The following EPHA3 variants were observed in gnomAD, a reference collection of about 807,000 sequenced individuals.
The protein encoded by EPHA3 is EPH receptor A3.
A neutral mutation model predicts 107.1 loss-of-function variants in EPHA3; 42 were observed. The observed-to-expected ratio is 0.39, with a 90% CI of 0.31 to 0.51. The LOEUF (loss-of-function observed/expected upper bound fraction) is 0.51. Among genes scored for constraint, EPHA3 ranks in the 20% least tolerant of loss-of-function variants. The pLI is 0.78. For synonymous variants in EPHA3, 461 were observed against 424.8 expected (o/e 1.09, Z -1.05); for missense variants, 1,183 against 1,211.2 (o/e 0.98, Z 0.35).
rs181586389 is a variant in EPHA3, at chr3:89,260,918, G to T, written c.814+50398G>T. 3.0e-3 allele frequency among the ~76,000 whole-genome samples: 460 copies of T among 152,186 alleles called. 2 individuals are homozygous for T. The highest frequency in any genetic ancestry group is 0.011 in the African/African-American group (452 of 41,514). ...CCACAGCATTTCCACTGAAATCTTT[G>T]AGGCCGTCCTGCTATTTCTCAATAC... On this transcript the variant is annotated intron_variant, in intron 3 of 16. Coordinates refer to ENST00000336596, the MANE Select transcript of EPHA3 (RefSeq NM_005233.6).
chr3:89,116,109 G>A (rs1707247633), intron 1 of EPHA3, among the ~76,000 whole-genome samples: 1 of 152,188 alleles, frequency 6.6e-6, no homozygotes, highest in African/African-American at 2.4e-5. Flanking sequence ...GTTGTGGACA[G>A]AAGAGTAGAT....
rs78550163 is a variant in EPHA3 at position 89,357,874 on chromosome 3, C to G, written c.1306+15784C>G. Among the ~76,000 whole-genome samples the G allele has an allele frequency of 4.5e-3, 687 of 151,200 alleles. 19 individuals are homozygous for G. Among genetic ancestry groups the G allele is most frequent in the African/African-American group, 0.013 (524 of 41,446 alleles). ...TGAAAAGTTTGAAAAAAATCCCATC[C>G]ATCTTCCCTGAGGTATGTTTCCATT... On this transcript the variant is annotated intron_variant, in intron 5 of 16. Coordinates refer to ENST00000336596, the MANE Select transcript of EPHA3 (RefSeq NM_005233.6).
At chr3:89,186,839 C>T (rs974996726) in intron 2 of EPHA3, among the ~76,000 whole-genome samples, 1 of 151,888 alleles carries the variant, frequency 6.6e-6, no homozygotes, top group African/African-American at 2.4e-5. Flanking sequence ...ACTTTTAAAC[C>T]AAGGAAATGA....
intron 3 of EPHA3, among the ~76,000 whole-genome samples, chr3:89,312,707 T>C (rs1706792582): frequency 6.6e-6 from 1 of 151,932 alleles, no homozygotes; most frequent in Non-Finnish European, 1.5e-5. Flanking sequence ...TATCCATTAG[T>C]TATTTTTTCT....
intron 1 of EPHA3, among the ~76,000 whole-genome samples, 185 bp from the exon 2 acceptor site, chr3:89,127,024 A>G (rs545732019): frequency 6.6e-6 from 1 of 151,944 alleles, no homozygotes; most frequent in African/African-American, 2.4e-5. Context: ...GAAACTTTTG[A>G]TCTCTTAACT....
chr3:89,315,511 C>A (rs1284449357), intron 3 of EPHA3, among the ~76,000 whole-genome samples: 1 of 151,380 alleles, frequency 6.6e-6, no homozygotes, highest in African/African-American at 2.4e-5. Flanking sequence ...GCTTAAAAAT[C>A]ACATTTAATC....
chr3:89,194,981 C>A lies in EPHA3; in HGVS notation c.154-14879C>A, dbSNP rs146406356. Among the ~76,000 whole-genome samples, 223 of 152,116 alleles carry A rather than the reference C, an allele frequency of 1.5e-3. 2 individuals are homozygous for A. The highest frequency in any genetic ancestry group is 6.8e-3 in the Middle Eastern group (2 of 294). The stretch of plus-strand genomic sequence containing the variant: ...CATCAGCTCATAGTTCTCTTCCTAC[C>A]CTGTACACACAAGCATTTCATAATA... On this transcript the variant is annotated intron_variant, in intron 2 of 16. Coordinates refer to ENST00000336596, the MANE Select transcript of EPHA3 (RefSeq NM_005233.6).
intron 2 of EPHA3, among the ~76,000 whole-genome samples, chr3:89,139,748 G>T (rs927442656): frequency 6.6e-6 from 1 of 151,664 alleles, no homozygotes; most frequent in Admixed American, 6.6e-5. Context: ...CTTGATGAAG[G>T]TCACGTCATT....
At position 89,134,457 on chromosome 3, in the gene EPHA3, A is replaced by G. The variant is rs369679333; in HGVS notation, c.153+7184A>G. On this transcript the variant is annotated intron_variant, in intron 2 of 16. Transcript: ENST00000336596. ...TGTTCAGTTCCCACCTATGAGTGAG[A>G]ACGTGCGATGTTTGGTTTTTTGTCC... 1.6e-4 allele frequency among the ~76,000 whole-genome samples: 25 copies of G among 152,094 alleles called. No homozygotes were observed. In the East Asian group the frequency reaches 4.1e-3, roughly 25 times the overall value.
intron 5 of EPHA3, among the ~76,000 whole-genome samples, chr3:89,382,051 A>G (rs940257408): frequency 8.5e-5 from 13 of 152,176 alleles, no homozygotes; most frequent in African/African-American, 3.1e-4. Context: ...ATAGCCAGCT[A>G]TTTCTTTAGA....
At chr3:89,345,441 G>A (rs1375043346) in intron 5 of EPHA3, among the ~76,000 whole-genome samples, 1 of 150,950 alleles carries the variant, frequency 6.6e-6, no homozygotes, top group African/African-American at 2.4e-5. Context: ...GCAATAGTGT[G>A]CATTATGCCT....
intron 3 of EPHA3, among the ~76,000 whole-genome samples, chr3:89,288,819 G>A (rs1255516500): frequency 2.6e-5 from 4 of 152,120 alleles, no homozygotes; most frequent in African/African-American, 9.7e-5. Flanking sequence ...TAAAGTGTAA[G>A]CTTAAAAATA....
At chr3:89,273,466 C>T (rs924735604) in intron 3 of EPHA3, among the ~76,000 whole-genome samples, 7 of 151,734 alleles carry the variant, frequency 4.6e-5, no homozygotes, top group African/African-American at 1.2e-4. Flanking sequence ...AATCTAACTT[C>T]GAAGAGAGTT....
At chr3:89,411,631 C>T (rs535849858) in intron 9 of EPHA3, among the ~76,000 whole-genome samples, 2 of 152,006 alleles carry the variant, frequency 1.3e-5, no homozygotes, top group East Asian at 3.9e-4. Flanking sequence ...TTCACAAGAA[C>T]ATAAATCGTA....
chr3:89,122,330 C>A (rs1213097242), intron 1 of EPHA3, among the ~76,000 whole-genome samples: 1 of 152,136 alleles, frequency 6.6e-6, no homozygotes, highest in East Asian at 1.9e-4. Flanking sequence ...GTTATTTGTA[C>A]TTGGCTATAA....
At chr3:89,220,036 A>G (rs1576241331) in intron 3 of EPHA3, among the ~76,000 whole-genome samples, 1 of 152,202 alleles carries the variant, frequency 6.6e-6, no homozygotes, top group African/African-American at 2.4e-5. Context: ...TCACAGCTGA[A>G]GAAAGGGGTT....
At chr3:89,109,900 GAAGCTTTA>G (rs1386514835) in intron 1 of EPHA3, among the ~76,000 whole-genome samples, 1 of 151,918 alleles carries the variant, frequency 6.6e-6, no homozygotes, top group African/African-American at 2.4e-5. Context: ...ATTGTGAAGG[GAAGCTTTA>G]AAACAAATTT....
At chr3:89,458,590 C>A (rs555031113) in intron 15 of EPHA3, among the ~76,000 whole-genome samples, 2 of 152,088 alleles carry the variant, frequency 1.3e-5, no homozygotes, top group Non-Finnish European at 2.9e-5. Context: ...TTTGTGGAAT[C>A]GCCACACTCT....
intron 5 of EPHA3, among the ~76,000 whole-genome samples, chr3:89,368,910 G>A (rs1708237807): frequency 6.6e-6 from 1 of 150,560 alleles, no homozygotes; most frequent in African/African-American, 2.4e-5. Context: ...TTCATAGTTA[G>A]CAACCATTAA....
Sources: gnomAD v4.1 joint callset for allele counts (sites outside exome capture counted in the v4.1 genomes callset) on GRCh38, gnomAD v4.1.1 for gene constraint, MANE v1.5 for transcripts, NCBI Gene and HGNC (gene_info 2026-07-23, HGNC 2026-07-21) for gene names.